KCNG3: variants seen among roughly 807,000 people sequenced by gnomAD.
KCNG3 encodes potassium voltage-gated channel modifier subfamily G member 3.
A neutral mutation model predicts 29.0 loss-of-function variants in KCNG3; 15 were observed. The ratio of observed to expected loss-of-function variants is 0.52; its 90% CI spans 0.35 to 0.80. The LOEUF is 0.80. KCNG3 is among the 30% of genes least tolerant of loss of function. The pLI is 0.01. For missense variants in KCNG3, 512 were observed against 605.7 expected (o/e 0.85, Z 1.62); for synonymous variants, 322 against 248.9 (o/e 1.29, Z -2.76).
At chr2:42,458,563 C>G (rs1672936936) in intron 1 of KCNG3, among the ~76,000 whole-genome samples, 2 of 152,236 alleles carry the variant, frequency 1.3e-5, no homozygotes. Flanking sequence ...AAATCTCCAT[C>G]AAAGTGTGTT....
intron 1 of KCNG3, among the ~76,000 whole-genome samples, chr2:42,481,888 C>T (rs1356968335): frequency 2.6e-5 from 4 of 152,236 alleles, no homozygotes; most frequent in Non-Finnish European, 5.9e-5. Context: ...CGCACACTTA[C>T]ACTCTGCACA....
chr2:42,414,014 C>T, the KCNG3 span, among the ~76,000 whole-genome samples: 1 of 152,188 alleles, frequency 6.6e-6, no homozygotes, highest in Non-Finnish European at 1.5e-5. Context: ...TCTTAACATT[C>T]TTTAGCTTTC....
At chr2:42,491,627 G>A (rs1402111926) in intron 1 of KCNG3, among the ~76,000 whole-genome samples, 1 of 152,092 alleles carries the variant, frequency 6.6e-6, no homozygotes, top group African/African-American at 2.4e-5. Flanking sequence ...AACAAAATGA[G>A]TTTCCTAATG....
downstream of KCNG3, among the ~76,000 whole-genome samples, chr2:42,439,898 C>A (rs550898319): frequency 6.7e-4 from 102 of 152,232 alleles, no homozygotes; most frequent in Non-Finnish European, 1.1e-3. Context: ...CCGCCTCGGC[C>A]TCCCAAAGTG....
At chr2:42,465,113 A>C (rs545855712) in intron 1 of KCNG3, among the ~76,000 whole-genome samples, 4 of 152,342 alleles carry the variant, frequency 2.6e-5, no homozygotes, top group African/African-American at 7.2e-5. Flanking sequence ...TACTATCCTT[A>C]CTTCATACCA....
At position 42,476,699 on chromosome 2, in the gene KCNG3, A is replaced by G. The variant is rs180698352; in HGVS notation, c.665+16138T>C. 4.2e-3 allele frequency among the ~76,000 whole-genome samples: 625 copies of G among 147,260 alleles called. 3 individuals carry two copies. The highest frequency in any genetic ancestry group is 0.014 in the African/African-American group (557 of 40,256). On this transcript the variant is annotated intron_variant, in intron 1 of 1. Coordinates refer to ENST00000306078, the MANE Select transcript of KCNG3 (RefSeq NM_133329.6). The stretch of plus-strand genomic sequence containing the variant: ...GAGACGGGGTTTCACCATGTTGGCC[A>G]GGCTGGTCTCGAACTCCTGGCCTCA...
At chr2:42,471,457 G>T (rs1025859870) in intron 1 of KCNG3, among the ~76,000 whole-genome samples, 1 of 152,088 alleles carries the variant, frequency 6.6e-6, no homozygotes, top group Non-Finnish European at 1.5e-5. Flanking sequence ...CAAATCCATG[G>T]AGATAGATAG....
At chr2:42,395,765 G>C in the KCNG3 span, among the ~76,000 whole-genome samples, 1 of 151,466 alleles carries the variant, frequency 6.6e-6, no homozygotes, top group African/African-American at 2.4e-5. Context: ...ACCAGCCTGA[G>C]CAACACAGCA....
chr2:42,402,277 G>A, the KCNG3 span, among the ~76,000 whole-genome samples: 2 of 152,192 alleles, frequency 1.3e-5, no homozygotes, highest in Admixed American at 6.5e-5. Context: ...ACAGCATATC[G>A]TGGGGCTTTT....
At chr2:42,423,724 C>G in the KCNG3 span, among the ~76,000 whole-genome samples, 1 of 151,912 alleles carries the variant, frequency 6.6e-6, no homozygotes, top group African/African-American at 2.4e-5. Context: ...GTCACTTTCC[C>G]CCAAGAGCTC....
the KCNG3 span, among the ~76,000 whole-genome samples, chr2:42,403,744 C>A: frequency 6.6e-6 from 1 of 151,180 alleles, no homozygotes; most frequent in African/African-American, 2.4e-5. Context: ...AGATTACAGG[C>A]GAGAGCCACC....
chr2:42,401,625 G>T, the KCNG3 span, among the ~76,000 whole-genome samples: 171 of 152,106 alleles, frequency 1.1e-3, 1 homozygote, highest in African/African-American at 4.1e-3. Context: ...TAAATTTTTT[G>T]TAGTGACAGG....
At chr2:42,479,007 G>C (rs1287627393) in intron 1 of KCNG3, among the ~76,000 whole-genome samples, 3 of 146,458 alleles carry the variant, frequency 2.0e-5, no homozygotes, top group Admixed American at 1.4e-4. Flanking sequence ...TACCACTTGA[G>C]TATCCCAAAT....
rs992565162 is a variant in KCNG3 at position 42,442,569 on chromosome 2, C to G, written c.*1365G>C. The G allele has an allele frequency of 6.6e-6, 1 of 152,200 alleles. No homozygotes were observed. The highest frequency in any genetic ancestry group is 1.5e-5 in the Non-Finnish European group (1 of 68,032). The allele number at this position is 152,200 out of a possible 1,614,324, so 9.4% of individuals were successfully genotyped here. On this transcript the variant is annotated 3_prime_UTR_variant, in exon 2 of 2. Transcript: ENST00000306078. ...TATATCCAGGTCCTCCATCACCCACCACTTCCCAATCCCTGTCTTCTCTAC... is the reference window on the plus strand; with the variant it reads ...TATATCCAGGTCCTCCATCACCCACGACTTCCCAATCCCTGTCTTCTCTAC...
At chr2:42,471,186 A>ATG (rs1558383883) in intron 1 of KCNG3, among the ~76,000 whole-genome samples, 1 of 140,474 alleles carries the variant, frequency 7.1e-6, no homozygotes, top group Admixed American at 7.4e-5. Context: ...GTGTGTGTGT[A>ATG]TATATATATA....
the KCNG3 span, among the ~76,000 whole-genome samples, chr2:42,432,604 T>C: frequency 6.6e-6 from 1 of 152,160 alleles, no homozygotes; most frequent in East Asian, 1.9e-4. Flanking sequence ...AAAAGAGGTA[T>C]TACAATAAAC....
the KCNG3 span, chr2:42,415,581 T>TA: frequency 1.3e-5 from 2 of 152,122 alleles, no homozygotes; most frequent in African/African-American, 4.8e-5. Context: ...GAACAAGAAA[T>TA]AGACTTTTGT....
At chr2:42,457,638 C>CACACACAT (rs1672911509) in intron 1 of KCNG3, among the ~76,000 whole-genome samples, 2 of 148,050 alleles carry the variant, frequency 1.4e-5, no homozygotes, top group Non-Finnish European at 3.0e-5. Flanking sequence ...CACACACACA[C>CACACACAT]ACACACACAC....
the KCNG3 span, among the ~76,000 whole-genome samples, chr2:42,412,564 A>G: frequency 1.3e-5 from 2 of 152,194 alleles, no homozygotes; most frequent in Non-Finnish European, 2.9e-5. Flanking sequence ...TATATATTTT[A>G]ACGCTTTTAT....
Sources: gnomAD v4.1 joint callset for allele counts (sites outside exome capture counted in the v4.1 genomes callset) on GRCh38, gnomAD v4.1.1 for gene constraint, MANE v1.5 for transcripts, NCBI Gene and HGNC (gene_info 2026-07-23, HGNC 2026-07-21) for gene names.